Variants in RGS7 observed in about 807,000 individuals in gnomAD.
RGS7 encodes the protein regulator of G protein signaling 7, also known as regulator of G-protein signaling 7.
A neutral mutation model predicts 81.1 loss-of-function variants in RGS7; 27 were observed. The ratio of observed to expected loss-of-function variants is 0.33; its 90% CI spans 0.25 to 0.46. The LOEUF (loss-of-function observed/expected upper bound fraction) is 0.46, where lower values mean the gene tolerates loss of function less well. RGS7 is among the 20% of genes least tolerant of loss of function. RGS7 has a pLI of 1.00. For synonymous variants in RGS7, 208 were observed against 207.7 expected, an observed-to-expected ratio of 1.00 and a Z score of -0.01; for missense variants, 396 against 607.4, an observed-to-expected ratio of 0.65 and a Z score of 3.66.
intron 2 of RGS7, among the ~76,000 whole-genome samples, chr1:241,126,354 G>A (rs996196545): frequency 9.9e-5 from 15 of 151,980 alleles, no homozygotes; most frequent in Non-Finnish European, 1.9e-4. Flanking sequence ...TCTCCATGTT[G>A]GTTAGGCTGG....
At chr1:241,210,461 C>T (rs1197738048) in intron 2 of RGS7, among the ~76,000 whole-genome samples, 1 of 152,112 alleles carries the variant, frequency 6.6e-6, no homozygotes, top group African/African-American at 2.4e-5. Context: ...GGAATGCAAC[C>T]ATTTTTAAAG....
intron 2 of RGS7, among the ~76,000 whole-genome samples, chr1:241,274,941 A>G (rs1208875433): frequency 6.6e-6 from 1 of 152,230 alleles, no homozygotes; most frequent in African/African-American, 2.4e-5. Context: ...CTTATCCAGG[A>G]CGGACTGATT....
At chr1:241,306,617 C>T (rs541330830) in intron 2 of RGS7, among the ~76,000 whole-genome samples, 15 of 151,676 alleles carry the variant, frequency 9.9e-5, no homozygotes, top group Admixed American at 1.3e-4. Context: ...GGCATATATA[C>T]GCACATGTCC....
chr1:241,120,835 G>A (rs2066202358), intron 2 of RGS7, among the ~76,000 whole-genome samples: 1 of 152,130 alleles, frequency 6.6e-6, no homozygotes, highest in South Asian at 2.1e-4. Flanking sequence ...GGAGTTTGGT[G>A]TCCACAGTTT....
At chr1:241,012,653 C>T (rs951726087) in intron 3 of RGS7, among the ~76,000 whole-genome samples, 7 of 152,212 alleles carry the variant, frequency 4.6e-5, no homozygotes, top group African/African-American at 1.4e-4. Context: ...ATGGCTATTC[C>T]GAAAGGCTGC....
intron 2 of RGS7, among the ~76,000 whole-genome samples, chr1:241,125,517 G>A (rs1405660280): frequency 6.6e-6 from 1 of 151,908 alleles, no homozygotes; most frequent in African/African-American, 2.4e-5. Flanking sequence ...CTCTCCCACA[G>A]AACAGCATCC....
At chr1:241,134,670 A>C (rs2067362059) in intron 2 of RGS7, among the ~76,000 whole-genome samples, 1 of 152,108 alleles carries the variant, frequency 6.6e-6, no homozygotes, top group Admixed American at 6.5e-5. Flanking sequence ...TTTCCCAGAG[A>C]GGGGAGGGGC....
intron 5 of RGS7, among the ~76,000 whole-genome samples, chr1:240,934,969 A>G (rs904698651): frequency 1.4e-5 from 2 of 141,178 alleles, no homozygotes; most frequent in African/African-American, 5.4e-5. Context: ...GCTCACTGCA[A>G]CCTCCATCTC....
chr1:241,192,208 T>G (rs113384436), intron 2 of RGS7, among the ~76,000 whole-genome samples: 11 of 64,632 alleles, frequency 1.7e-4, no homozygotes, highest in East Asian at 4.8e-4. Context: ...GTGTGTGTGT[T>G]TTGCTTTGAT....
chr1:241,029,636 G>T (rs1422337848), intron 3 of RGS7, among the ~76,000 whole-genome samples: 1 of 152,128 alleles, frequency 6.6e-6, no homozygotes, highest in Non-Finnish European at 1.5e-5. Flanking sequence ...GCATCCCAGG[G>T]TCTTATTTAC....
chr1:240,818,343 A>T (rs916398703), intron 10 of RGS7, among the ~76,000 whole-genome samples: 5 of 152,166 alleles, frequency 3.3e-5, no homozygotes, highest in African/African-American at 1.2e-4. Context: ...CTCACAATCC[A>T]GTGGAAGGGA....
intron 2 of RGS7, among the ~76,000 whole-genome samples, chr1:241,265,877 C>A (rs1337762243): frequency 1.0e-4 from 15 of 148,842 alleles, no homozygotes; most frequent in Admixed American, 2.0e-4. Context: ...TCAACGCAAC[C>A]TCCGCCTCCC....
At chr1:241,110,323 C>A (rs1323783180) in intron 2 of RGS7, among the ~76,000 whole-genome samples, 2 of 152,158 alleles carry the variant, frequency 1.3e-5, no homozygotes, top group Non-Finnish European at 2.9e-5. Flanking sequence ...TGAAAGGCTT[C>A]TCTTGGGACT....
At chr1:240,914,709 G>C (rs962785516) in intron 6 of RGS7, among the ~76,000 whole-genome samples, 9 of 152,092 alleles carry the variant, frequency 5.9e-5, no homozygotes, top group Non-Finnish European at 1.0e-4. Context: ...GTCTGCTCTG[G>C]CATTTAAGGA....
intron 4 of RGS7, among the ~76,000 whole-genome samples, chr1:240,955,942 G>A (rs1019739553): frequency 3.4e-4 from 1 of 2,966 alleles, no homozygotes; most frequent in Non-Finnish European, 1.5e-3. Flanking sequence ...AACATAGGAG[G>A]GAATCTGTCT....
intron 2 of RGS7, among the ~76,000 whole-genome samples, chr1:241,256,077 C>A (rs1219867509): frequency 6.6e-6 from 1 of 152,112 alleles, no homozygotes; most frequent in African/African-American, 2.4e-5. Flanking sequence ...TTTTAAGATA[C>A]CAGTTAACTA....
intron 2 of RGS7, among the ~76,000 whole-genome samples, chr1:241,246,710 A>G (rs1291253625): frequency 6.6e-6 from 1 of 152,030 alleles, no homozygotes; most frequent in African/African-American, 2.4e-5. Flanking sequence ...TGGCTTTAAT[A>G]GTTACCATAT....
At chr1:241,116,151 C>T (rs1457149835) in intron 2 of RGS7, among the ~76,000 whole-genome samples, 1 of 152,066 alleles carries the variant, frequency 6.6e-6, no homozygotes, top group East Asian at 1.9e-4. Context: ...GCAGGTAGTT[C>T]TTTATAGCAG....
At chr1:241,293,078 C>T (rs560999104) in intron 2 of RGS7, among the ~76,000 whole-genome samples, 4 of 152,304 alleles carry the variant, frequency 2.6e-5, no homozygotes, top group African/African-American at 9.6e-5. Flanking sequence ...TCATCAATTG[C>T]TTAACAACAT....
Sources: allele counts gnomAD v4.1 joint callset (sites outside exome capture counted in the v4.1 genomes callset), GRCh38; gene constraint gnomAD v4.1.1; transcripts MANE v1.5; gene names NCBI Gene and HGNC (gene_info 2026-07-23, HGNC 2026-07-21).